Variants in SLC28A1 observed in about 807,000 individuals in gnomAD.
The protein encoded by SLC28A1 is sodium/nucleoside cotransporter 1.
SLC28A1 carries 64 observed loss-of-function variants against 74.8 expected under a neutral mutation model. That is an observed-to-expected ratio of 0.86 (90% CI 0.70 to 1.05). SLC28A1 has a LOEUF of 1.05. Ranked by LOEUF, SLC28A1 falls within the 50% of genes least tolerant of loss-of-function variation. SLC28A1 has a pLI of 0.00. For missense variants in SLC28A1, 828 were observed against 822.8 expected, an observed-to-expected ratio of 1.01 and a Z score of -0.08; for synonymous variants, 359 against 335.0, an observed-to-expected ratio of 1.07 and a Z score of -0.78.
At chr15:84,945,973 C>T (rs995327519), downstream of SLC28A1, among the ~76,000 whole-genome samples, 1 of 148,820 alleles carries the variant, frequency 6.7e-6, no homozygotes, top group Non-Finnish European at 1.5e-5. Flanking sequence ...GATCCTCCCA[C>T]CTCAGCCTCC....
intron 9 of SLC28A1, among the ~76,000 whole-genome samples, chr15:84,910,693 A>T (rs1227050878): frequency 1.3e-5 from 2 of 152,120 alleles, no homozygotes; most frequent in Admixed American, 6.5e-5. Flanking sequence ...ATGCCATTGC[A>T]CTCCAGCCTG....
chr15:84,900,417 AAAAAAAAG>A (rs1000068968), intron 6 of SLC28A1, among the ~76,000 whole-genome samples: 2 of 150,822 alleles, frequency 1.3e-5, no homozygotes, highest in African/African-American at 4.8e-5. Flanking sequence ...AAAAAAAAAA[AAAAAAAAG>A]AAGAAGAAGA....
At chr15:84,931,726 G>A (rs1036514609) in intron 12 of SLC28A1, among the ~76,000 whole-genome samples, 9 of 148,330 alleles carry the variant, frequency 6.1e-5, no homozygotes, top group South Asian at 2.2e-4. Context: ...AAAATCGGCC[G>A]GGGATGGTGG....
rs745354708 is a variant in SLC28A1, at chr15:84,943,427, C to G, written c.1582-18C>G. ...CATCTGAGGGGAGCCCCTCCTCATG[C>G]ATCTTCTGTATTTTCAGGTCAGAGC... On this transcript the variant is annotated intron_variant, in intron 15 of 18. Coordinates refer to ENST00000394573, the MANE Select transcript of SLC28A1 (RefSeq NM_004213.5). 1.6e-5 allele frequency: 25 copies of G among 1,603,596 alleles called. No individual in the cohort carries two copies. The highest frequency in any genetic ancestry group is 2.1e-5 in the Non-Finnish European group (25 of 1,170,972).
At chr15:84,912,902 G>A (rs1968559540) in intron 9 of SLC28A1, among the ~76,000 whole-genome samples, 1 of 151,524 alleles carries the variant, frequency 6.6e-6, no homozygotes, top group African/African-American at 2.4e-5. Context: ...GGGGTAACTG[G>A]TAACCTTAGT....
At chr15:84,931,933 C>T (rs1323782173) in intron 12 of SLC28A1, among the ~76,000 whole-genome samples, 5 of 151,620 alleles carry the variant, frequency 3.3e-5, no homozygotes, top group Non-Finnish European at 5.9e-5. Context: ...ACCCAGGAGG[C>T]GGAGGTTACA....
chr15:84,960,831 C>T, the SLC28A1 span, among the ~76,000 whole-genome samples: 1 of 152,162 alleles, frequency 6.6e-6, no homozygotes, highest in South Asian at 2.1e-4. Context: ...CTCTCTTAGT[C>T]CTTATTGCTT....
chr15:84,953,369 G>A, the SLC28A1 span, among the ~76,000 whole-genome samples: 6 of 152,204 alleles, frequency 3.9e-5, no homozygotes. Flanking sequence ...TTCATGTCAA[G>A]AGCTCTCAAC....
chr15:84,933,342 C>T (rs1971528952), intron 13 of SLC28A1, 67 bp downstream of exon 13: 1 of 1,562,838 alleles, frequency 6.4e-7, no homozygotes, highest in South Asian at 1.1e-5. Context: ...AGCAGAGGGT[C>T]CCGTTCTCTC....
rs768101341 is a variant in SLC28A1 at position 84,934,476 on chromosome 15, A to C, written c.1215-550A>C. On this transcript the variant is annotated intron_variant, in intron 13 of 18. Coordinates refer to ENST00000394573, the MANE Select transcript of SLC28A1 (RefSeq NM_004213.5). ...GTTAGGTAACTTTTAAACCTTAAAC[A>C]ATGTTGAAAAGGCACCACATTGGAC... 4.5e-4 allele frequency among the ~76,000 whole-genome samples: 68 copies of C among 152,226 alleles called. 2 individuals carry two copies. The highest frequency in any genetic ancestry group is 9.1e-4 in the Non-Finnish European group (62 of 68,036).
the SLC28A1 span, among the ~76,000 whole-genome samples, chr15:84,970,116 G>A: frequency 6.6e-6 from 1 of 152,206 alleles, no homozygotes; most frequent in Non-Finnish European, 1.5e-5. Flanking sequence ...GGACAGGGAC[G>A]CAAGTTCTTT....
chr15:84,966,073 A>G, the SLC28A1 span, among the ~76,000 whole-genome samples: 5 of 152,000 alleles, frequency 3.3e-5, no homozygotes, highest in African/African-American at 1.2e-4. Flanking sequence ...TTTAAATGTA[A>G]TTTTATTCAT....
the SLC28A1 span, among the ~76,000 whole-genome samples, chr15:84,966,475 C>T: frequency 6.6e-6 from 1 of 152,158 alleles, no homozygotes; most frequent in African/African-American, 2.4e-5. Flanking sequence ...TCAAGCAGTC[C>T]TCCTGGGGGT....
intron 6 of SLC28A1, chr15:84,895,496 G>T (rs1004088991): frequency 6.3e-7 from 1 of 1,595,594 alleles, no homozygotes; most frequent in African/African-American, 1.3e-5. Flanking sequence ...AGGCTCGATC[G>T]GGGTCCAGGT....
At chr15:84,958,401 T>G in the SLC28A1 span, among the ~76,000 whole-genome samples, 1 of 152,222 alleles carries the variant, frequency 6.6e-6, no homozygotes, top group South Asian at 2.1e-4. Context: ...TCCCTCATTT[T>G]GGTAGAACAC....
At chr15:84,888,537 C>T (rs1686527480) in intron 3 of SLC28A1, among the ~76,000 whole-genome samples, 1 of 152,204 alleles carries the variant, frequency 6.6e-6, no homozygotes. Flanking sequence ...AGGTGTCTGT[C>T]CCTGCGCAGA....
chr15:84,927,824 A>C (rs4980344), intron 12 of SLC28A1, among the ~76,000 whole-genome samples: 83,962 of 151,972 alleles, frequency 0.55, 23,781 homozygotes, highest in Middle Eastern at 0.73. Flanking sequence ...GTTTTGTTTT[A>C]AGAGTCCCAG....
At chr15:84,934,128 A>C (rs1971617336) in intron 13 of SLC28A1, among the ~76,000 whole-genome samples, 1 of 152,222 alleles carries the variant, frequency 6.6e-6, no homozygotes, top group Admixed American at 6.5e-5. Flanking sequence ...TGCCACATTG[A>C]GGATTAAGTT....
intron 8 of SLC28A1, 127 bp from the exon 9 acceptor site, chr15:84,908,591 C>T: frequency 7.9e-6 from 6 of 763,966 alleles, no homozygotes; most frequent in East Asian, 2.5e-5. Flanking sequence ...GGTGGTGCCC[C>T]CCCCCGGATA....
Sources: allele counts gnomAD v4.1 joint callset (sites outside exome capture counted in the v4.1 genomes callset), GRCh38; gene constraint gnomAD v4.1.1; transcripts MANE v1.5; gene names NCBI Gene and HGNC (gene_info 2026-07-23, HGNC 2026-07-21).